Variants in C12orf75 observed in about 807,000 individuals in gnomAD.
The protein encoded by C12orf75 is chromosome 12 open reading frame 75.
Under a neutral mutation model 11.4 loss-of-function variants are expected in C12orf75, and 4 were observed. The ratio of observed to expected loss-of-function variants is 0.35; its 90% CI spans 0.17 to 0.80. The LOEUF is 0.80. C12orf75 is among the 30% of genes least tolerant of loss of function. The pLI is 0.52. For missense variants in C12orf75, 89 were observed against 80.4 expected, an observed-to-expected ratio of 1.11 and a Z score of -0.41; for synonymous variants, 30 against 30.0, an observed-to-expected ratio of 1.00 and a Z score of 0.00.
intron 2 of C12orf75, among the ~76,000 whole-genome samples, chr12:105,351,320 T>C (rs553473339): frequency 2.8e-4 from 42 of 152,252 alleles, no homozygotes; most frequent in Admixed American, 2.0e-3. Context: ...GAACTTAGAA[T>C]AGGGCAAACA....
chr12:105,346,747 A>G (rs1892645983), intron 1 of C12orf75, among the ~76,000 whole-genome samples: 1 of 152,268 alleles, frequency 6.6e-6, no homozygotes, highest in African/African-American at 2.4e-5. Context: ...TTACAGATGC[A>G]AAATGAATAT....
chr12:105,367,748 C>T (rs1871520745), intron 5 of C12orf75, among the ~76,000 whole-genome samples: 2 of 152,088 alleles, frequency 1.3e-5, no homozygotes, highest in Non-Finnish European at 2.9e-5. Flanking sequence ...TTAATAAGAG[C>T]AAGCTAAGTG....
intron 2 of C12orf75, among the ~76,000 whole-genome samples, chr12:105,363,595 C>T (rs973139652): frequency 3.3e-4 from 50 of 152,070 alleles, no homozygotes; most frequent in Non-Finnish European, 1.5e-4. Context: ...CATGGTGGCA[C>T]GGGCCTGGAA....
At chr12:105,348,537 A>G in intron 1 of C12orf75, 65 bp from the exon 2 acceptor site, 1 of 1,125,254 alleles carries the variant, frequency 8.9e-7, no homozygotes, top group East Asian at 2.9e-5. Context: ...TTAATTAGGT[A>G]TTAGACAACA....
intron 5 of C12orf75, among the ~76,000 whole-genome samples, chr12:105,369,702 A>G (rs1222459202): frequency 6.6e-6 from 1 of 152,070 alleles, no homozygotes; most frequent in Non-Finnish European, 1.5e-5. Context: ...GAGTGAGAAC[A>G]TGCGATGTTT....
chr12:105,350,505 G>A (rs1892698638), intron 2 of C12orf75, among the ~76,000 whole-genome samples: 1 of 152,166 alleles, frequency 6.6e-6, no homozygotes, highest in Non-Finnish European at 1.5e-5. Context: ...TCTGTTTATA[G>A]AAATGACATC....
chr12:105,369,391 C>G (rs1464797116), intron 5 of C12orf75, among the ~76,000 whole-genome samples: 2 of 152,164 alleles, frequency 1.3e-5, no homozygotes, highest in Admixed American at 6.5e-5. Context: ...TTTCCCCATT[C>G]TTTAACTCTT....
chr12:105,348,442 T>C (rs1017389708), intron 1 of C12orf75, among the ~76,000 whole-genome samples, 160 bp from the exon 2 acceptor site: 2 of 151,310 alleles, frequency 1.3e-5, no homozygotes, highest in Admixed American at 1.3e-4. Flanking sequence ...AAAAAAGATT[T>C]GAATTTTATG....
At chr12:105,345,835 T>A (rs1185874729) in intron 1 of C12orf75, among the ~76,000 whole-genome samples, 4 of 149,110 alleles carry the variant, frequency 2.7e-5, no homozygotes, top group Non-Finnish European at 6.0e-5. Context: ...ATTTTTGTAT[T>A]TTTTTTTTAG....
chr12:105,330,750 A>C lies in C12orf75; in HGVS notation c.-142A>C. The C allele has an allele frequency of 2.5e-6, 2 of 800,758 alleles. No homozygotes were observed. Among genetic ancestry groups the C allele is most frequent in the Non-Finnish European group, 1.6e-6 (1 of 613,160 alleles). The allele number at this position is 800,758 out of a possible 1,614,324, so 49.6% of individuals were successfully genotyped here. On this transcript the variant is annotated 5_prime_UTR_variant, in exon 1 of 6. Coordinates refer to ENST00000443585, the MANE Select transcript of C12orf75 (RefSeq NM_001145199.2). The stretch of plus-strand genomic sequence containing the variant: ...CCGGGCCGCGTCTCCCGGCGGTGGG[A>C]GGGGGCGGCCCCCACTCGGTTCCTG...
At chr12:105,363,586 A>G (rs1417087172) in intron 2 of C12orf75, among the ~76,000 whole-genome samples, 2 of 152,122 alleles carry the variant, frequency 1.3e-5, no homozygotes, top group African/African-American at 2.4e-5. Context: ...TTAGCTGAGC[A>G]TGGTGGCACG....
Position 105,330,774 on chromosome 12 carries a change from TG to T in C12orf75, c.-116del, listed in dbSNP as rs550405961. The T allele has an allele frequency of 2.8e-6, 3 of 1,063,222 alleles. No individual in the cohort carries two copies. Among genetic ancestry groups the T allele is most frequent in the Non-Finnish European group, 3.5e-6 (3 of 845,936 alleles). 65.9% of individuals were successfully genotyped at this position (1,063,222 alleles called of 1,614,324 possible). On this transcript the variant is annotated 5_prime_UTR_variant, in exon 1 of 6. Coordinates refer to ENST00000443585, the MANE Select transcript of C12orf75 (RefSeq NM_001145199.2). ...GAGGGGGCGGCCCCCACTCGGTTCC[TG>T]GCCCCTCGCGGCCCCGTCAGCCTCC...
In C12orf75 at chr12:105,362,899, CTAATA is replaced by C. The variant is rs376166569; in HGVS notation, c.72-2902_72-2898del. On this transcript the variant is annotated intron_variant, in intron 2 of 5. Coordinates refer to ENST00000443585, the MANE Select transcript of C12orf75 (RefSeq NM_001145199.2). The stretch of plus-strand genomic sequence containing the variant: ...CAAGATTGTATAAGGATTAAATGAA[CTAATA>C]TAATAGGATTAGCAAAGTGCCTAGT... 2.8e-4 allele frequency among the ~76,000 whole-genome samples: 43 copies of C among 152,264 alleles called. No individual in the cohort carries two copies. The East Asian group carries it at 5.6e-3, about 20-fold the overall frequency.
At chr12:105,336,308 A>G (rs1892498962) in intron 1 of C12orf75, among the ~76,000 whole-genome samples, 1 of 152,246 alleles carries the variant, frequency 6.6e-6, no homozygotes, top group South Asian at 2.1e-4. Flanking sequence ...TAAAAAGGCC[A>G]AGTACAAATC....
At chr12:105,345,912 C>G (rs1224429986) in intron 1 of C12orf75, among the ~76,000 whole-genome samples, 3 of 151,978 alleles carry the variant, frequency 2.0e-5, no homozygotes, top group Non-Finnish European at 4.4e-5. Flanking sequence ...GATCCACCCA[C>G]CTCGGCCACC....
chr12:105,361,237 G>T (rs1188233192), intron 2 of C12orf75, among the ~76,000 whole-genome samples: 2 of 152,054 alleles, frequency 1.3e-5, no homozygotes, highest in African/African-American at 2.4e-5. Context: ...ATAAGATCTT[G>T]CCGTGTTGCC....
intron 3 of C12orf75, 178 bp from the exon 4 acceptor site, chr12:105,366,439 C>T (rs1246466656): frequency 5.0e-6 from 2 of 396,188 alleles, no homozygotes; most frequent in African/African-American, 2.1e-5. Context: ...AAAAAAATAG[C>T]TTCTTTTTAA....
rs1373189612 is a variant in C12orf75 at position 105,367,517 on chromosome 12, A to G, written c.*33+8A>G. The stretch of plus-strand genomic sequence containing the variant: ...TGACTCAAGAATCAAGAGGTGCTGT[A>G]TATTTTTCTAAATAATTCTATATAT... On this transcript the variant is annotated splice_region_variant and intron_variant, in intron 5 of 5. Transcript: ENST00000443585. The G allele has an allele frequency of 4.0e-6, 3 of 747,340 alleles. No homozygotes were observed. The highest frequency in any genetic ancestry group is 6.4e-6 in the Non-Finnish European group (3 of 469,078). The allele number at this position is 747,340 out of a possible 1,614,324, so 46.3% of individuals were successfully genotyped here. A position where few individuals can be genotyped will look rare whatever the true frequency, so the allele number is the denominator to read the frequency against.
At chr12:105,350,067 C>T (rs975857074) in intron 2 of C12orf75, among the ~76,000 whole-genome samples, 3 of 152,118 alleles carry the variant, frequency 2.0e-5, no homozygotes, top group Non-Finnish European at 2.9e-5. Flanking sequence ...GAGTTTATTA[C>T]GTAAACATTT....
Sources: allele counts gnomAD v4.1 joint callset (sites outside exome capture counted in the v4.1 genomes callset), GRCh38; gene constraint gnomAD v4.1.1; transcripts MANE v1.5; gene names NCBI Gene and HGNC (gene_info 2026-07-23, HGNC 2026-07-21).